The following PRKG1 variants were observed in gnomAD, a reference collection of about 807,000 sequenced individuals.
PRKG1 encodes the protein cGMP-dependent protein kinase 1.
Under a neutral mutation model 88.1 loss-of-function variants are expected in PRKG1, and 35 were observed. The observed-to-expected ratio is 0.40, with a 90% confidence interval of 0.30 to 0.53. The LOEUF (loss-of-function observed/expected upper bound fraction) is 0.53, where lower values mean the gene tolerates loss of function less well. Ranked by LOEUF, PRKG1 falls within the 20% of genes least tolerant of loss-of-function variation. The pLI is 0.59. For missense variants in PRKG1, 540 were observed against 839.8 expected (o/e 0.64, Z 4.41); for synonymous variants, 303 against 292.5 (o/e 1.04, Z -0.37).
intron 1 of PRKG1, among the ~76,000 whole-genome samples, chr10:51,107,461 T>C (rs1844865310): frequency 6.6e-6 from 1 of 152,044 alleles, no homozygotes; most frequent in Non-Finnish European, 1.5e-5. Flanking sequence ...AAAGATCAGA[T>C]TAGAAATTGA....
chr10:51,759,220 G>T (rs1490058981), intron 3 of PRKG1, among the ~76,000 whole-genome samples: 1 of 152,004 alleles, frequency 6.6e-6, no homozygotes. Context: ...CTAGAAATGG[G>T]ATTGCTGGGT....
intron 2 of PRKG1, among the ~76,000 whole-genome samples, chr10:51,154,702 T>G (rs1300726822): frequency 6.6e-6 from 1 of 152,012 alleles, no homozygotes; most frequent in Non-Finnish European, 1.5e-5. Context: ...CCTTATAGTT[T>G]TCACCTTCTA....
chr10:51,759,357 C>A (rs1358242856), intron 3 of PRKG1, among the ~76,000 whole-genome samples: 1 of 151,922 alleles, frequency 6.6e-6, no homozygotes, highest in Non-Finnish European at 1.5e-5. Flanking sequence ...ACCTCCACCT[C>A]CCAGGTTCAA....
At chr10:51,188,903 A>G (rs1426970081) in intron 2 of PRKG1, among the ~76,000 whole-genome samples, 1 of 151,946 alleles carries the variant, frequency 6.6e-6, no homozygotes, top group East Asian at 1.9e-4. Context: ...ATGCAATAGG[A>G]TGCCAAATCA....
chr10:51,290,467 T>G (rs902402952), intron 2 of PRKG1, among the ~76,000 whole-genome samples: 2 of 152,118 alleles, frequency 1.3e-5, no homozygotes, highest in African/African-American at 4.8e-5. Context: ...ATTCTATTTT[T>G]CTTTTAGAGA....
intron 8 of PRKG1, among the ~76,000 whole-genome samples, chr10:52,147,252 G>A (rs1475229089): frequency 1.3e-5 from 2 of 152,104 alleles, no homozygotes; most frequent in Admixed American, 6.6e-5. Context: ...ACTTACATAG[G>A]AACAAAACAT....
chr10:52,206,846 C>T (rs773224049), intron 9 of PRKG1, among the ~76,000 whole-genome samples: 1 of 152,176 alleles, frequency 6.6e-6, no homozygotes, highest in Non-Finnish European at 1.5e-5. Flanking sequence ...GGTTGCCAAC[C>T]AAAGTGCTTC....
At chr10:51,504,852 C>A (rs1362174757) in intron 3 of PRKG1, among the ~76,000 whole-genome samples, 1 of 152,158 alleles carries the variant, frequency 6.6e-6, no homozygotes, top group Non-Finnish European at 1.5e-5. Context: ...AGTTGCTTAT[C>A]AGCCTAAGGA....
intron 5 of PRKG1, among the ~76,000 whole-genome samples, chr10:51,993,199 A>AT (rs1381163381): frequency 2.6e-5 from 4 of 152,264 alleles, no homozygotes; most frequent in Non-Finnish European, 5.9e-5. Flanking sequence ...CAATTTTGTA[A>AT]TTTTTAAATT....
intron 3 of PRKG1, among the ~76,000 whole-genome samples, chr10:51,493,999 A>AT (rs529908608): frequency 2.0e-5 from 3 of 152,060 alleles, no homozygotes; most frequent in Admixed American, 6.5e-5. Context: ...TACTGTAGCT[A>AT]TTTTTTCTAC....
chr10:52,207,538 G>A (rs1158136071), intron 9 of PRKG1, among the ~76,000 whole-genome samples: 5 of 152,144 alleles, frequency 3.3e-5, no homozygotes, highest in Non-Finnish European at 7.3e-5. Context: ...GGTGAGCCTT[G>A]GGTGATAAGC....
At chr10:51,977,219 T>C (rs1843860415) in intron 5 of PRKG1, among the ~76,000 whole-genome samples, 1 of 152,046 alleles carries the variant, frequency 6.6e-6, no homozygotes, top group Admixed American at 6.6e-5. Flanking sequence ...AAACATGTGG[T>C]ATTTGCTTTT....
chr10:50,997,358 T>C (rs1842846638), intron 1 of PRKG1, among the ~76,000 whole-genome samples: 1 of 152,180 alleles, frequency 6.6e-6, no homozygotes, highest in African/African-American at 2.4e-5. Flanking sequence ...TACCAATATA[T>C]GCACAGGTTG....
chr10:51,120,355 GC>G (rs1845231038), intron 1 of PRKG1, among the ~76,000 whole-genome samples: 1 of 152,034 alleles, frequency 6.6e-6, no homozygotes, highest in African/African-American at 2.4e-5. Flanking sequence ...AAACTACAAG[GC>G]CCCCTGTGAA....
chr10:51,946,563 G>A (rs903332752), intron 5 of PRKG1, among the ~76,000 whole-genome samples: 1 of 151,994 alleles, frequency 6.6e-6, no homozygotes, highest in Admixed American at 6.5e-5. Flanking sequence ...CAGTTTTTCT[G>A]CTCTGTTTTT....
intron 2 of PRKG1, among the ~76,000 whole-genome samples, chr10:51,441,280 G>C (rs1839097519): frequency 6.6e-6 from 1 of 151,930 alleles, no homozygotes; most frequent in South Asian, 2.1e-4. Flanking sequence ...CTCTCTGATA[G>C]GTGTATTGTG....
chr10:51,750,411 T>C (rs1189527877), intron 3 of PRKG1, among the ~76,000 whole-genome samples: 1 of 152,204 alleles, frequency 6.6e-6, no homozygotes, highest in Non-Finnish European at 1.5e-5. Context: ...TATAACAATT[T>C]TGCCTTTACG....
rs191471915 is a variant in PRKG1, at chr10:51,928,508, C to G, written c.762+20938C>G. 1.2e-3 allele frequency among the ~76,000 whole-genome samples: 189 copies of G among 152,286 alleles called. 4 individuals carry two copies. The highest frequency in any genetic ancestry group is 4.4e-5 in the Non-Finnish European group (3 of 68,008). The stretch of plus-strand genomic sequence containing the variant: ...AAAGAAGCTATTTGTAAGAACAAAA[C>G]AGCTATTAAGTGGAGGAGGGCATGG... On this transcript the variant is annotated intron_variant, in intron 5 of 17. Coordinates refer to ENST00000373980, the MANE Select transcript of PRKG1 (RefSeq NM_006258.4).
chr10:51,151,480 G>C (rs1455062943), intron 1 of PRKG1, among the ~76,000 whole-genome samples: 3 of 151,748 alleles, frequency 2.0e-5, no homozygotes, highest in Non-Finnish European at 4.4e-5. Flanking sequence ...ATTCAGAAAA[G>C]TAAGACAACC....
Sources: gnomAD v4.1 joint callset for allele counts (sites outside exome capture counted in the v4.1 genomes callset) on GRCh38, gnomAD v4.1.1 for gene constraint, MANE v1.5 for transcripts, NCBI Gene and HGNC (gene_info 2026-07-23, HGNC 2026-07-21) for gene names.